Variants in RALGPS1 observed in about 807,000 individuals in gnomAD.
RALGPS1 encodes the protein ras-specific guanine nucleotide-releasing factor RalGPS1.
A neutral mutation model predicts 78.8 loss-of-function variants in RALGPS1; 19 were observed. That is an observed-to-expected ratio of 0.24 (90% CI 0.17 to 0.35). RALGPS1 has a LOEUF of 0.35. Ranked by LOEUF, RALGPS1 falls within the 10% of genes least tolerant of loss-of-function variation. The pLI is 1.00. For synonymous variants in RALGPS1, 228 were observed against 256.3 expected (o/e 0.89, Z 1.06); for missense variants, 454 against 688.3 (o/e 0.66, Z 3.81).
chr9:127,008,508 T>G (rs562441567), intron 4 of RALGPS1, among the ~76,000 whole-genome samples: 1 of 152,234 alleles, frequency 6.6e-6, no homozygotes, highest in African/African-American at 2.4e-5. Flanking sequence ...TAGAGGCAGC[T>G]GTGGGAAAAG....
chr9:126,958,142 A>AAAAATATAT, intron 1 of RALGPS1, among the ~76,000 whole-genome samples: 1 of 77,082 alleles, frequency 1.3e-5, no homozygotes, highest in Non-Finnish European at 2.8e-5. Flanking sequence ...AAAAAAAAAA[A>AAAAATATAT]ATATATATAT....
chr9:127,146,364 C>T (rs976761716), intron 8 of RALGPS1, among the ~76,000 whole-genome samples: 3 of 152,114 alleles, frequency 2.0e-5, no homozygotes, highest in Non-Finnish European at 2.9e-5. Flanking sequence ...GGTATTATGG[C>T]CTCCAACTAT....
intron 8 of RALGPS1, among the ~76,000 whole-genome samples, chr9:127,081,714 C>T (rs1254692170): frequency 6.6e-6 from 1 of 152,234 alleles, no homozygotes; most frequent in African/African-American, 2.4e-5. Context: ...GAGCCCTCTC[C>T]TGGTACTGTG....
intron 1 of RALGPS1, among the ~76,000 whole-genome samples, chr9:126,952,383 A>G (rs1287137637): frequency 6.6e-6 from 1 of 152,144 alleles, no homozygotes; most frequent in Non-Finnish European, 1.5e-5. Flanking sequence ...AGTGATGGCC[A>G]TTCCAGTCTG....
intron 8 of RALGPS1, among the ~76,000 whole-genome samples, chr9:127,147,976 C>T (rs2058194305): frequency 6.6e-6 from 1 of 152,204 alleles, no homozygotes; most frequent in African/African-American, 2.4e-5. Context: ...TGCCCAAGTC[C>T]TTTAGAACTT....
At chr9:127,121,853 A>G (rs2056125827) in intron 8 of RALGPS1, among the ~76,000 whole-genome samples, 1 of 152,146 alleles carries the variant, frequency 6.6e-6, no homozygotes, top group Non-Finnish European at 1.5e-5. Context: ...GCCTCAGCAC[A>G]GCGCTTGCCT....
At chr9:127,136,485 G>A (rs1051266072) in intron 8 of RALGPS1, among the ~76,000 whole-genome samples, 1 of 152,184 alleles carries the variant, frequency 6.6e-6, no homozygotes, top group Non-Finnish European at 1.5e-5. Flanking sequence ...CTGCAGAAGT[G>A]GAGTTTGCAT....
intron 1 of RALGPS1, among the ~76,000 whole-genome samples, chr9:126,931,450 A>C (rs1406459284): frequency 6.6e-6 from 1 of 152,268 alleles, no homozygotes; most frequent in Non-Finnish European, 1.5e-5. Flanking sequence ...AAAAAAGAAT[A>C]AACTACTGTT....
chr9:127,137,277 G>T (rs1412358358), intron 8 of RALGPS1, among the ~76,000 whole-genome samples: 1 of 152,196 alleles, frequency 6.6e-6, no homozygotes, highest in African/African-American at 2.4e-5. Context: ...CTCCAGACTA[G>T]TGGCCCACTC....
chr9:126,987,812 C>T (rs1390111332), intron 4 of RALGPS1, among the ~76,000 whole-genome samples: 8 of 152,166 alleles, frequency 5.3e-5, no homozygotes, highest in Admixed American at 5.2e-4. Context: ...ATGAAGGGGA[C>T]CTCGGCACAA....
At chr9:126,998,581 C>T (rs2042990650) in intron 4 of RALGPS1, among the ~76,000 whole-genome samples, 1 of 152,120 alleles carries the variant, frequency 6.6e-6, no homozygotes, top group African/African-American at 2.4e-5. Context: ...ACTGTAAAAC[C>T]AGTTCAACCA....
chr9:126,990,085 C>T (rs1048372599), intron 4 of RALGPS1: 20 of 1,455,824 alleles, frequency 1.4e-5, no homozygotes, highest in Middle Eastern at 1.8e-4. Flanking sequence ...TGTTGGACGT[C>T]GGACAAACCC....
chr9:127,184,228 C>T (rs140298732), intron 11 of RALGPS1: 2 of 567,784 alleles, frequency 3.5e-6, no homozygotes, highest in Non-Finnish European at 6.1e-6. Context: ...AGGGCTTAGG[C>T]GAGATCGCTT....
intron 8 of RALGPS1, among the ~76,000 whole-genome samples, chr9:127,137,349 C>G (rs143136843): frequency 1.1e-3 from 164 of 152,362 alleles, no homozygotes; most frequent in Non-Finnish European, 1.6e-3. Flanking sequence ...GAGAGAGAAT[C>G]TCCTTTCCTT....
chr9:126,923,189 T>C (rs1023031243), intron 1 of RALGPS1, among the ~76,000 whole-genome samples: 4 of 152,210 alleles, frequency 2.6e-5, no homozygotes, highest in African/African-American at 7.2e-5. Context: ...TCTCAACCCT[T>C]TACAACACTT....
intron 7 of RALGPS1, among the ~76,000 whole-genome samples, chr9:127,059,045 T>C (rs765285829): frequency 6.6e-6 from 1 of 152,174 alleles, no homozygotes; most frequent in Non-Finnish European, 1.5e-5. Flanking sequence ...GACACAGTCA[T>C]TGAGCTCTGC....
chr9:127,064,063 A>C (rs980886683), intron 7 of RALGPS1, among the ~76,000 whole-genome samples: 2 of 152,238 alleles, frequency 1.3e-5, no homozygotes, highest in African/African-American at 4.8e-5. Context: ...AAATGTTATC[A>C]TACAGGCAAG....
chr9:126,935,488 A>G (rs1248518369), intron 1 of RALGPS1, among the ~76,000 whole-genome samples: 1 of 152,192 alleles, frequency 6.6e-6, no homozygotes, highest in Non-Finnish European at 1.5e-5. Flanking sequence ...AATATTAACA[A>G]TATTTCTCAG....
intron 8 of RALGPS1, among the ~76,000 whole-genome samples, chr9:127,094,365 CCTGCAGGCT>C (rs71493875): frequency 2.2e-4 from 34 of 151,918 alleles, no homozygotes; most frequent in Non-Finnish European, 4.6e-4. Flanking sequence ...TCAGTCAGTG[CCTGCAGGCT>C]CTGATGGCTT....
Sources: gnomAD v4.1 joint callset for allele counts (sites outside exome capture counted in the v4.1 genomes callset) on GRCh38, gnomAD v4.1.1 for gene constraint, MANE v1.5 for transcripts, NCBI Gene and HGNC (gene_info 2026-07-23, HGNC 2026-07-21) for gene names.